The following GRM7 variants were observed in gnomAD, a reference collection of about 807,000 sequenced individuals.
GRM7 encodes the protein metabotropic glutamate receptor 7.
Under a neutral mutation model 84.5 loss-of-function variants are expected in GRM7, and 35 were observed. The observed-to-expected ratio is 0.41, with a 90% CI of 0.32 to 0.55. The LOEUF is 0.55. Among genes scored for constraint, GRM7 ranks in the 20% least tolerant of loss-of-function variants. The probability of loss-of-function intolerance (pLI) is 0.19; values close to 1 mark genes in which losing one functional copy is unlikely to be tolerated. For missense variants in GRM7, 1,003 were observed against 1,194.6 expected (o/e 0.84, Z 2.36); for synonymous variants, 487 against 455.1 (o/e 1.07, Z -0.89).
intron 8 of GRM7, among the ~76,000 whole-genome samples, chr3:7,646,862 T>C (rs1698669968): frequency 1.3e-5 from 2 of 152,216 alleles, no homozygotes; most frequent in South Asian, 4.1e-4. Flanking sequence ...TTAATCAGAA[T>C]AGCATTTCCT....
chr3:6,994,037 A>T (rs933034915), intron 1 of GRM7, among the ~76,000 whole-genome samples: 1 of 152,220 alleles, frequency 6.6e-6, no homozygotes, highest in African/African-American at 2.4e-5. Context: ...TTGATTTATT[A>T]GTGGAAATTT....
chr3:7,183,524 G>A (rs1182446089), intron 2 of GRM7, among the ~76,000 whole-genome samples: 2 of 152,178 alleles, frequency 1.3e-5, no homozygotes, highest in East Asian at 3.9e-4. Flanking sequence ...CTACTCGGGA[G>A]GCTGAGGCAG....
chr3:7,205,334 A>T (rs986558660), intron 2 of GRM7, among the ~76,000 whole-genome samples: 5 of 152,212 alleles, frequency 3.3e-5, no homozygotes, highest in African/African-American at 1.2e-4. Flanking sequence ...GTAACTGTGA[A>T]TTAATAATTT....
rs896875154 is a variant in GRM7, at chr3:7,173,689, A to T, written c.736+27021A>T. Among the ~76,000 whole-genome samples, 15 of 152,026 alleles carry T rather than the reference A, an allele frequency of 9.9e-5. 1 individual carries two copies. Among genetic ancestry groups the T allele is most frequent in the Admixed American group, 3.3e-4 (5 of 15,258 alleles). On this transcript the variant is annotated intron_variant, in intron 2 of 9. Coordinates refer to ENST00000357716, the MANE Select transcript of GRM7 (RefSeq NM_000844.4). Reference sequence around the variant, plus strand: ...ACACATCCTATTCCTTCTGCCTAAAATACTCTCCTAGGCGTCCCCAGCCCC... The same window carrying T: ...ACACATCCTATTCCTTCTGCCTAAATTACTCTCCTAGGCGTCCCCAGCCCC...
At chr3:7,324,762 C>A (rs553222000) in intron 4 of GRM7, among the ~76,000 whole-genome samples, 129 of 152,166 alleles carry the variant, frequency 8.5e-4, no homozygotes, top group African/African-American at 3.0e-3. Context: ...CATCTCAACC[C>A]TGCATAGAGG....
chr3:7,168,451 A>T (rs555400156), intron 2 of GRM7, among the ~76,000 whole-genome samples: 6 of 152,288 alleles, frequency 3.9e-5, no homozygotes, highest in African/African-American at 1.4e-4. Flanking sequence ...AACAAGAAAC[A>T]GGAGAGATCT....
At chr3:7,195,913 G>T (rs2125109278) in intron 2 of GRM7, among the ~76,000 whole-genome samples, 1 of 152,224 alleles carries the variant, frequency 6.6e-6, no homozygotes, top group African/African-American at 2.4e-5. Context: ...GTTAGTCAGG[G>T]TTCTCCAGAG....
chr3:7,016,927 T>C (rs1381340023), intron 1 of GRM7, among the ~76,000 whole-genome samples: 2 of 152,184 alleles, frequency 1.3e-5, no homozygotes, highest in African/African-American at 2.4e-5. Flanking sequence ...CCCTTGCTCC[T>C]TAACTTGTTG....
chr3:7,386,420 A>G (rs766473523), intron 4 of GRM7, among the ~76,000 whole-genome samples: 2 of 152,030 alleles, frequency 1.3e-5, no homozygotes, highest in African/African-American at 2.4e-5. Flanking sequence ...CCCTTGTCCC[A>G]TTTCCATCCT....
chr3:7,485,971 T>C (rs909980559), intron 7 of GRM7, among the ~76,000 whole-genome samples: 1 of 152,156 alleles, frequency 6.6e-6, no homozygotes, highest in Non-Finnish European at 1.5e-5. Flanking sequence ...CTTTAACATA[T>C]TAAGACATAA....
At chr3:7,632,905 T>C (rs1425504650) in intron 8 of GRM7, among the ~76,000 whole-genome samples, 1 of 152,268 alleles carries the variant, frequency 6.6e-6, no homozygotes, top group Non-Finnish European at 1.5e-5. Flanking sequence ...TTCAATGGAA[T>C]AATTTTACTT....
intron 9 of GRM7, among the ~76,000 whole-genome samples, chr3:7,685,830 A>G (rs1700563325): frequency 6.6e-6 from 1 of 151,858 alleles, no homozygotes; most frequent in Non-Finnish European, 1.5e-5. Flanking sequence ...ACTGCTGGAA[A>G]ATGGATGTGG....
intron 1 of GRM7, among the ~76,000 whole-genome samples, chr3:7,048,665 T>C (rs1219650114): frequency 1.3e-5 from 2 of 152,006 alleles, no homozygotes; most frequent in South Asian, 4.1e-4. Context: ...TGGACACATA[T>C]ATGCATTGTG....
chr3:7,518,621 T>C (rs927742118), intron 7 of GRM7, among the ~76,000 whole-genome samples: 6 of 152,208 alleles, frequency 3.9e-5, no homozygotes, highest in African/African-American at 1.4e-4. Flanking sequence ...AAAAATATAA[T>C]ACCAGAGCTG....
intron 4 of GRM7, among the ~76,000 whole-genome samples, chr3:7,396,524 TTTTATA>T (rs1229076501): frequency 2.0e-5 from 3 of 152,174 alleles, no homozygotes; most frequent in African/African-American, 7.2e-5. Context: ...TTTGCCCATG[TTTTATA>T]TTTTTATTGC....
At chr3:7,676,438 ATTCT>A (rs1159738991) in intron 8 of GRM7, among the ~76,000 whole-genome samples, 1 of 152,110 alleles carries the variant, frequency 6.6e-6, no homozygotes, top group Non-Finnish European at 1.5e-5. Context: ...TATCATGCTT[ATTCT>A]TTGTTTTAAT....
chr3:7,265,417 T>C (rs1313195568), intron 2 of GRM7, among the ~76,000 whole-genome samples: 1 of 152,240 alleles, frequency 6.6e-6, no homozygotes, highest in African/African-American at 2.4e-5. Context: ...TATCCACATC[T>C]TGCCCCTGAG....
At chr3:7,195,130 T>C (rs183745682) in intron 2 of GRM7, among the ~76,000 whole-genome samples, 1 of 152,162 alleles carries the variant, frequency 6.6e-6, no homozygotes, top group African/African-American at 2.4e-5. Flanking sequence ...AAAATATACA[T>C]GATGATGATA....
intron 8 of GRM7, among the ~76,000 whole-genome samples, chr3:7,611,793 A>G (rs1379404615): frequency 6.6e-6 from 1 of 152,172 alleles, no homozygotes; most frequent in Non-Finnish European, 1.5e-5. Flanking sequence ...ACATATGCCC[A>G]TTAAAGGTAG....
Sources: gnomAD v4.1 joint callset for allele counts (sites outside exome capture counted in the v4.1 genomes callset) on GRCh38, gnomAD v4.1.1 for gene constraint, MANE v1.5 for transcripts, NCBI Gene and HGNC (gene_info 2026-07-23, HGNC 2026-07-21) for gene names.